Variants in TAPBPL observed in about 807,000 individuals in gnomAD.
The protein encoded by TAPBPL is tapasin-related protein.
Under a neutral mutation model 44.8 loss-of-function variants are expected in TAPBPL, and 32 were observed. That is an observed-to-expected ratio of 0.71 (90% confidence interval 0.54 to 0.96). TAPBPL has a LOEUF of 0.96. Among genes scored for constraint, TAPBPL ranks in the 40% least tolerant of loss-of-function variants. The pLI is 0.00. For missense variants in TAPBPL, 520 were observed against 586.6 expected (o/e 0.89, Z 1.17); for synonymous variants, 230 against 240.7 (o/e 0.96, Z 0.41).
chr12:6,465,775 G>A (rs1161659479), downstream of TAPBPL: 5 of 1,583,610 alleles, frequency 3.2e-6, no homozygotes, highest in Non-Finnish European at 4.3e-6. Context: ...TGTAGAAGCT[G>A]AGGGTTTTCT....
intron 5 of TAPBPL, 37 bp from the exon 6 acceptor site, chr12:6,460,818 G>A (rs765984834): frequency 1.6e-5 from 26 of 1,607,860 alleles, no homozygotes; most frequent in Middle Eastern, 1.6e-4. Context: ...TGATTCCTGC[G>A]CACGATGATC....
chr12:6,456,631 CGT>C (rs1410167204), intron 3 of TAPBPL, among the ~76,000 whole-genome samples: 2 of 150,906 alleles, frequency 1.3e-5, no homozygotes, highest in East Asian at 3.9e-4. Context: ...CCCAATACCA[CGT>C]GTGTTTTTTT....
intron 5 of TAPBPL, among the ~76,000 whole-genome samples, chr12:6,460,431 AATTTTTTGT>A (rs1949823101): frequency 6.6e-6 from 1 of 151,572 alleles, no homozygotes; most frequent in Non-Finnish European, 1.5e-5. Context: ...ATGCCCAGTT[AATTTTTTGT>A]ATTTTTTGTA....
At chr12:6,471,639 C>T in the TAPBPL span, among the ~76,000 whole-genome samples, 1 of 152,166 alleles carries the variant, frequency 6.6e-6, no homozygotes. The surrounding 1 kb of genome is among the most constrained non-coding windows in gnomAD (Gnocchi z 4.0). Context: ...ACCAGCCTGG[C>T]CAACATGGCG....
chr12:6,470,780 G>T (rs1183610214), downstream of TAPBPL: 4 of 583,656 alleles, frequency 6.9e-6, no homozygotes, highest in Non-Finnish European at 9.2e-6. Context: ...GTCGCCCAGC[G>T]CTACAGGCCT....
At chr12:6,466,373 G>A, downstream of TAPBPL, 3 of 1,596,334 alleles carry the variant, frequency 1.9e-6, no homozygotes, top group Non-Finnish European at 2.6e-6. Flanking sequence ...CATGTGCAGA[G>A]TACACAAAGT....
In TAPBPL at chr12:6,457,645, A is replaced by G. The variant is rs764106054; in HGVS notation, c.805A>G (p.Thr269Ala). ...GGGCATGGCCAGGGATGCCTCCCTC[A>G]CCCTGCCCGGCCTCACTATACAGGA... The part of the protein sequence containing the change: ...QLGMARDASL[T>A]LPGLTIQDEG... Residue 269 changes from threonine (T) to alanine (A), a missense_variant, in exon 4 of 7, where the codon ACC becomes GCC. Thr to Ala is a moderately conservative substitution (Grantham distance 58). Coordinates refer to ENST00000266556, the MANE Select transcript of TAPBPL (RefSeq NM_018009.5). 1 of 1,613,960 alleles carries G rather than the reference A, an allele frequency of 6.2e-7. No homozygotes were observed. The highest frequency in any genetic ancestry group is 8.5e-7 in the Non-Finnish European group (1 of 1,179,976).
Position 6,457,744 on chromosome 12 carries a change from G to C in TAPBPL, c.904G>C (p.Ala302Pro). The C allele has an allele frequency of 6.4e-7, 1 of 1,574,286 alleles. No homozygotes were observed. ...GCAGATCATCCAGCTCAACATCCAAGGTGAGGCCAGGACATGGTTATCCCA... is the reference window on the plus strand; with the variant it reads ...GCAGATCATCCAGCTCAACATCCAACGTGAGGCCAGGACATGGTTATCCCA... ...AQQIIQLNIQASPKVRLSLAN... is the reference protein window; with the variant it reads ...AQQIIQLNIQPSPKVRLSLAN... The change falls in exon 4 of 7, where the codon GCT becomes CCT. Residue 302 changes from alanine to proline, a missense_variant and splice_region_variant. Coordinates refer to ENST00000266556, the MANE Select transcript of TAPBPL (RefSeq NM_018009.5).
chr12:6,464,653 C>A, downstream of TAPBPL: 1 of 1,459,102 alleles, frequency 6.9e-7, no homozygotes, highest in Non-Finnish European at 9.0e-7. Flanking sequence ...CATAGCCCCA[C>A]TTCCTCAGAA....
At position 6,457,500 on chromosome 12, in the gene TAPBPL, G is replaced by A. The variant is rs1949730193; in HGVS notation, c.660G>A (p.Leu220=). 7 of 1,614,248 alleles carry A rather than the reference G, an allele frequency of 4.3e-6. No individual in the cohort carries two copies. The highest frequency in any genetic ancestry group is 2.2e-5 in the East Asian group (1 of 44,884). ...LDCGFSMAPG[L]DLISVEWRLQ... ...GTGGCTTCTCCATGGCACCGGGCTT[G>A]GACCTCATCAGTGTGGAGTGGCGAC... Residue 220 remains leucine, a synonymous_variant, in exon 4 of 7, where the codon TTG becomes TTA. Transcript: ENST00000266556.
chr12:6,460,471 T>C (rs1949824729), intron 5 of TAPBPL, among the ~76,000 whole-genome samples: 1 of 152,102 alleles, frequency 6.6e-6, no homozygotes, highest in African/African-American at 2.4e-5. Context: ...TTCACCATGT[T>C]GCCCAGGCTG....
downstream of TAPBPL, chr12:6,465,098 C>T: frequency 9.6e-7 from 1 of 1,038,712 alleles, no homozygotes; most frequent in Non-Finnish European, 1.4e-6. Flanking sequence ...AGGCCCTACC[C>T]TTCTGCTTCC....
Position 6,452,125 on chromosome 12 carries a change from G to A in TAPBPL, c.-124G>A, listed in dbSNP as rs1460149306. ...AGTCGGCAGCAGAGGGAACAGGGAA[G>A]AAACCTAAAGGCTGCAGGCTGCCAG... On this transcript the variant is annotated 5_prime_UTR_variant, in exon 1 of 7. Transcript: ENST00000266556. 4 of 1,204,006 alleles carry A rather than the reference G, an allele frequency of 3.3e-6. No homozygotes were observed. Among genetic ancestry groups the A allele is most frequent in the Non-Finnish European group, 4.8e-6 (4 of 838,076 alleles). The allele number at this position is 1,204,006 out of a possible 1,614,324, so 74.6% of individuals were successfully genotyped here.
intron 3 of TAPBPL, among the ~76,000 whole-genome samples, chr12:6,454,532 C>G (rs2532498): frequency 0.67 from 101,267 of 152,002 alleles, 34,048 homozygotes; most frequent in East Asian, 0.78. Flanking sequence ...CCTACCTGAA[C>G]GTCCCCAGGC....
At chr12:6,459,391 C>G (rs1296003880) in intron 5 of TAPBPL, among the ~76,000 whole-genome samples, 1 of 152,216 alleles carries the variant, frequency 6.6e-6, no homozygotes, top group East Asian at 1.9e-4. Flanking sequence ...GCAAGTAATT[C>G]AGCACAGCTA....
At position 6,458,761 on chromosome 12, in the gene TAPBPL, G is replaced by C; in HGVS notation, c.1021G>C (p.Gly341Arg). The C allele has an allele frequency of 6.2e-7, 1 of 1,614,138 alleles. No individual in the cohort carries two copies. Among genetic ancestry groups the C allele is most frequent in the South Asian group, 1.1e-5 (1 of 91,078 alleles). Residue 341 changes from glycine to arginine, a missense_variant, in exon 5 of 7, where the codon GGT becomes CGT. By Grantham distance (125) the Gly-to-Arg change is moderately radical. Transcript: ENST00000266556. Reference protein sequence around the residue: ...VVVTWTREELGGSPAQVSGAS... With the variant: ...VVVTWTREELRGSPAQVSGAS... ...GGTGACGTGGACCCGAGAGGAGCTG[G>C]GTGGATCCCCAGCCCAAGTCTCTGG... is the stretch of plus-strand genomic sequence containing the variant.
At chr12:6,452,355 C>T (rs1949571127) in intron 1 of TAPBPL, 43 bp downstream of exon 1, 1 of 1,552,822 alleles carries the variant, frequency 6.4e-7, no homozygotes, top group East Asian at 2.4e-5. Flanking sequence ...AGAAGAGCTA[C>T]TGAAGCCCCA....
intron 6 of TAPBPL, chr12:6,461,152 G>T: frequency 2.2e-6 from 3 of 1,382,126 alleles, no homozygotes; most frequent in Non-Finnish European, 2.8e-6. Context: ...TCACTCTCCT[G>T]CCTCAGAGTA....
chr12:6,455,305 T>G (rs1253384676), intron 3 of TAPBPL, among the ~76,000 whole-genome samples: 1 of 152,204 alleles, frequency 6.6e-6, no homozygotes, highest in Non-Finnish European at 1.5e-5. Context: ...ATCCATAGCA[T>G]GTATTAGTTT....
Sources: allele counts gnomAD v4.1 joint callset (sites outside exome capture counted in the v4.1 genomes callset), GRCh38; gene constraint gnomAD v4.1.1; non-coding constraint Gnocchi (gnomAD v3.1); transcripts MANE v1.5; gene names NCBI Gene and HGNC (gene_info 2026-07-23, HGNC 2026-07-21).